The following PCDHA3 variants were observed in gnomAD, a reference collection of about 807,000 sequenced individuals.
PCDHA3 encodes protocadherin alpha-3.
In PCDHA3, 41 loss-of-function variants were observed where a neutral mutation model predicts 62.2. That is an observed-to-expected ratio of 0.66 (90% confidence interval 0.51 to 0.86). The LOEUF is 0.86. Among genes scored for constraint, PCDHA3 ranks in the 40% least tolerant of loss-of-function variants. The pLI, the probability that PCDHA3 is intolerant of heterozygous loss-of-function variation, is 0.00. For synonymous variants in PCDHA3, 640 were observed against 555.4 expected, an observed-to-expected ratio of 1.15 and a Z score of -2.14; for missense variants, 1,304 against 1,241.2, an observed-to-expected ratio of 1.05 and a Z score of -0.76.
At chr5:140,923,287 A>G (rs1554201330) in intron 1 of PCDHA3, among the ~76,000 whole-genome samples, 1 of 152,224 alleles carries the variant, frequency 6.6e-6, no homozygotes, top group Non-Finnish European at 1.5e-5. Context: ...AAAAATTAAA[A>G]ATTAGCTGGG....
At chr5:140,968,341 C>T in intron 1 of PCDHA3, 1 of 1,614,132 alleles carries the variant, frequency 6.2e-7, no homozygotes, top group Non-Finnish European at 8.5e-7. Context: ...TCTCCATTAA[C>T]AGTGCCAGTG....
chr5:140,828,653 G>A, intron 1 of PCDHA3: 5 of 1,614,156 alleles, frequency 3.1e-6, no homozygotes, highest in Non-Finnish European at 4.2e-6. Context: ...AAACAGTGAT[G>A]ACAATAAACA....
At position 141,011,260 on chromosome 5, in the gene PCDHA3, C is replaced by T. The variant is rs2098420018; in HGVS notation, c.*1323C>T. On this transcript the variant is annotated 3_prime_UTR_variant, in exon 4 of 4. Coordinates refer to ENST00000522353, the MANE Select transcript of PCDHA3 (RefSeq NM_018906.3). ...TGACTTGTCTTGGTGTGCTAGCCTA[C>T]ACCTTCTCTTTGGTTTAGTTTTCCT... The T allele has an allele frequency of 6.5e-6, 1 of 153,766 alleles. No individual in the cohort carries two copies. The highest frequency in any genetic ancestry group is 6.5e-5 in the Admixed American group (1 of 15,278). 9.5% of individuals were successfully genotyped at this position (153,766 alleles called of 1,614,324 possible).
At chr5:140,914,973 G>A (rs1166162661) in intron 1 of PCDHA3, among the ~76,000 whole-genome samples, 2 of 140,450 alleles carry the variant, frequency 1.4e-5, no homozygotes, top group Non-Finnish European at 3.0e-5. Context: ...CTGAGTCAGA[G>A]TCTTGCTCTG....
Position 141,000,690 on chromosome 5 carries a change from A to G in PCDHA3, c.2543-8937A>G, listed in dbSNP as rs550187550. On this transcript the variant is annotated intron_variant, in intron 3 of 3. Transcript: ENST00000522353. The stretch of plus-strand genomic sequence containing the variant: ...TGATCCACCTGCCTCTGCCTCCCAA[A>G]GTGCTGGGATTACAGGCATGAGCCA... 4.2e-3 allele frequency among the ~76,000 whole-genome samples: 638 copies of G among 151,554 alleles called. 1 individual carries two copies. The highest frequency in any genetic ancestry group is 7.2e-3 in the Non-Finnish European group (489 of 67,874).
chr5:140,937,442 A>AAAATATCATTTTAAAATATCATTAT (rs2091531773), intron 1 of PCDHA3, among the ~76,000 whole-genome samples: 1 of 152,160 alleles, frequency 6.6e-6, no homozygotes, highest in Non-Finnish European at 1.5e-5. Context: ...ATGCTATTTT[A>AAAATATCATTTTAAAATATCATTAT]AAAGTTTAAT....
intron 1 of PCDHA3, among the ~76,000 whole-genome samples, chr5:140,880,402 G>A (rs1014801012): frequency 3.9e-5 from 6 of 152,182 alleles, no homozygotes; most frequent in Non-Finnish European, 8.8e-5. Context: ...AGAGCATATG[G>A]TTGACCTTAA....
intron 3 of PCDHA3, among the ~76,000 whole-genome samples, chr5:140,984,583 T>C (rs2097109355): frequency 6.6e-6 from 1 of 152,200 alleles, no homozygotes; most frequent in South Asian, 2.1e-4. Context: ...AACCTAATCA[T>C]ACTTTTCAAT....
At chr5:140,941,317 C>T (rs1264351232) in intron 1 of PCDHA3, among the ~76,000 whole-genome samples, 5 of 99,210 alleles carry the variant, frequency 5.0e-5, no homozygotes, top group Admixed American at 1.1e-4. Flanking sequence ...TTTCTTCTTT[C>T]TCTTTTTTTT....
chr5:140,850,048 A>G (rs1554143688), intron 1 of PCDHA3: 1 of 1,596,376 alleles, frequency 6.3e-7, no homozygotes, highest in Admixed American at 1.7e-5. Flanking sequence ...GGCAAGGTGT[A>G]CGCGCTGCAG....
intron 1 of PCDHA3, among the ~76,000 whole-genome samples, chr5:140,915,967 A>G (rs1188377648): frequency 1.3e-5 from 2 of 152,078 alleles, no homozygotes; most frequent in Non-Finnish European, 2.9e-5. Flanking sequence ...TTTGCCTGAT[A>G]TTTTATTTGA....
At chr5:140,988,182 G>A (rs191995725) in intron 3 of PCDHA3, among the ~76,000 whole-genome samples, 79 of 152,240 alleles carry the variant, frequency 5.2e-4, no homozygotes, top group African/African-American at 1.5e-3. Flanking sequence ...ACAGTCCTGG[G>A]AGGTGTGTGC....
At chr5:140,900,013 T>A (rs1351991303) in intron 1 of PCDHA3, among the ~76,000 whole-genome samples, 1 of 152,062 alleles carries the variant, frequency 6.6e-6, no homozygotes, top group Admixed American at 6.6e-5. Flanking sequence ...TCTCACTTTG[T>A]TACCCAGTTT....
rs781836341 is a variant in PCDHA3 at position 140,802,152 on chromosome 5, C to G, written c.955C>G (p.Gln319Glu). 3 of 1,614,158 alleles carry G rather than the reference C, an allele frequency of 1.9e-6. No homozygotes were observed. The highest frequency in any genetic ancestry group is 2.5e-6 in the Non-Finnish European group (3 of 1,180,030). ...DFEESKSYEI[Q>E]VEATDKGNPP... Reference sequence around the variant, plus strand: ...CGAGGAAAGTAAGTCATATGAAATCCAGGTAGAAGCCACGGATAAAGGAAA... The same window carrying G: ...CGAGGAAAGTAAGTCATATGAAATCGAGGTAGAAGCCACGGATAAAGGAAA... The change falls in exon 1 of 4, where the codon CAG (glutamine) becomes GAG (glutamate). Residue 319 changes from glutamine (Q) to glutamate (E), a missense_variant. Physicochemically the swap from Gln to Glu is conservative, Grantham distance 29 (BLOSUM62 2). Transcript: ENST00000522353.
intron 1 of PCDHA3, chr5:140,835,547 C>A: frequency 1.2e-6 from 2 of 1,613,960 alleles, no homozygotes; most frequent in Non-Finnish European, 1.7e-6. Context: ...TTACCTGCTC[C>A]CTGACGCCCC....
Position 140,802,795 on chromosome 5 carries a change from T to G in PCDHA3, c.1598T>G (p.Phe533Cys). The G allele has an allele frequency of 1.9e-6, 3 of 1,613,422 alleles. No homozygotes were observed. The highest frequency in any genetic ancestry group is 1.7e-4 in the Middle Eastern group (1 of 5,750). ...LDHEELELLQ[F>C]QVSARDAGVP... is the part of the protein sequence containing the mutation. ...CACGAGGAGCTAGAGCTGCTGCAGT[T>G]CCAGGTGAGTGCGCGCGATGCGGGC... is the stretch of plus-strand genomic sequence containing the variant. Residue 533 changes from phenylalanine (F) to cysteine (C), a missense_variant, in exon 1 of 4, where the codon TTC (phenylalanine) becomes TGC (cysteine). Transcript: ENST00000522353.
At chr5:140,840,562 G>C (rs1776767588) in intron 1 of PCDHA3, among the ~76,000 whole-genome samples, 1 of 152,076 alleles carries the variant, frequency 6.6e-6, no homozygotes, top group South Asian at 2.1e-4. Context: ...TACTGCTAGA[G>C]TTTGGCATGT....
At chr5:140,969,087 T>C (rs146741684) in intron 1 of PCDHA3, 741 of 1,613,920 alleles carry the variant, frequency 4.6e-4, no homozygotes, top group Non-Finnish European at 5.8e-4. Flanking sequence ...GGCCTCAAAG[T>C]GCAGCCTCAC....
Position 140,947,404 on chromosome 5 carries a change from T to C in PCDHA3, c.2395-31545T>C, listed in dbSNP as rs1305199507. On this transcript the variant is annotated intron_variant, in intron 1 of 3. Transcript: ENST00000522353. ...ATCCTTTCACTAAAAGTAGACTGTC[T>C]TGATATTGTAGCTTTATAAATTTGA... is the stretch of plus-strand genomic sequence containing the variant. Among the ~76,000 whole-genome samples the C allele has an allele frequency of 2.6e-5, 4 of 151,736 alleles. No individual in the cohort carries two copies. In the East Asian group the frequency reaches 5.8e-4, roughly 22 times the overall value.
Sources: gnomAD v4.1 joint callset for allele counts (sites outside exome capture counted in the v4.1 genomes callset) on GRCh38, gnomAD v4.1.1 for gene constraint, MANE v1.5 for transcripts, NCBI Gene and HGNC (gene_info 2026-07-23, HGNC 2026-07-21) for gene names.